The following LINC00305 variants were observed in gnomAD, a reference collection of about 807,000 sequenced individuals.
LINC00305 encodes the protein long independently transcribed non-coding RNA 305, also known as long intergenic non-protein coding RNA 305.
At chr18:64,108,330 T>C (rs545848115) in intron 1 of LINC00305, among the ~76,000 whole-genome samples, 1 of 152,080 alleles carries the variant, frequency 6.6e-6, no homozygotes, top group African/African-American at 2.4e-5. Flanking sequence ...AGGGGAATCA[T>C]AAAAGAAAGA....
chr18:64,140,541 T>C (rs1285955894), intron 1 of LINC00305, among the ~76,000 whole-genome samples: 7 of 152,116 alleles, frequency 4.6e-5, no homozygotes, highest in Non-Finnish European at 1.0e-4. Context: ...CCCTACATGG[T>C]AGAGACCGTC....
chr18:64,086,970 T>G (rs976834456), intron 3 of LINC00305, among the ~76,000 whole-genome samples: 2 of 152,136 alleles, frequency 1.3e-5, no homozygotes, highest in African/African-American at 4.8e-5. Flanking sequence ...AAACCTAATA[T>G]TGCTAGCAAG....
At chr18:64,126,699 GT>G (rs1384951264) in intron 1 of LINC00305, among the ~76,000 whole-genome samples, 1 of 152,092 alleles carries the variant, frequency 6.6e-6, no homozygotes, top group Non-Finnish European at 1.5e-5. Flanking sequence ...GAGTGATTGA[GT>G]GGTGATCAAA....
chr18:64,093,708 G>A (rs1204666787), intron 3 of LINC00305, among the ~76,000 whole-genome samples: 4 of 152,204 alleles, frequency 2.6e-5, no homozygotes, highest in Non-Finnish European at 5.9e-5. Context: ...TTTAATATAT[G>A]TGTCATCAAC....
intron 1 of LINC00305, among the ~76,000 whole-genome samples, chr18:64,128,982 CTTT>C (rs1470527188): frequency 6.6e-6 from 1 of 152,042 alleles, no homozygotes; most frequent in East Asian, 1.9e-4. Flanking sequence ...TGTAAAAATA[CTTT>C]TTTATTGGTT....
intron 1 of LINC00305, among the ~76,000 whole-genome samples, chr18:64,106,975 A>AG (rs11453143): frequency 0.075 from 11,351 of 152,250 alleles, 547 homozygotes; most frequent in Non-Finnish European, 0.11. Context: ...GTTTACAGAT[A>AG]TGACATTTTG....
At chr18:64,141,953 T>C (rs544648031) in intron 1 of LINC00305, among the ~76,000 whole-genome samples, 1 of 152,358 alleles carries the variant, frequency 6.6e-6, no homozygotes, top group African/African-American at 2.4e-5. Context: ...AACATGATCA[T>C]TTCACAGTTT....
At chr18:64,104,419 T>C (rs574701899) in intron 1 of LINC00305, among the ~76,000 whole-genome samples, 1 of 152,302 alleles carries the variant, frequency 6.6e-6, no homozygotes, top group South Asian at 2.1e-4. Flanking sequence ...GGAGTGTTCA[T>C]TTATGTGTCT....
At chr18:64,143,753 G>A (rs2051481881) in intron 1 of LINC00305, among the ~76,000 whole-genome samples, 1 of 70,234 alleles carries the variant, frequency 1.4e-5, no homozygotes. Context: ...ATGCGTACAT[G>A]TATGTACACA....
intron 1 of LINC00305, among the ~76,000 whole-genome samples, chr18:64,104,513 G>A (rs1015231363): frequency 3.9e-5 from 6 of 152,178 alleles, no homozygotes; most frequent in Non-Finnish European, 8.8e-5. Flanking sequence ...TTGCCTTCAC[G>A]TGCTGGCATG....
At chr18:64,085,043 C>A (rs577026122) in intron 3 of LINC00305, among the ~76,000 whole-genome samples, 1 of 152,138 alleles carries the variant, frequency 6.6e-6, no homozygotes, top group Non-Finnish European at 1.5e-5. Flanking sequence ...TAGTGCTCTA[C>A]GAAAAAATTG....
chr18:64,095,518 C>G (rs1326302592), intron 3 of LINC00305, among the ~76,000 whole-genome samples: 3 of 151,814 alleles, frequency 2.0e-5, no homozygotes, highest in Admixed American at 6.6e-5. Flanking sequence ...TAAGGTGAAA[C>G]AGGAGCTATC....
intron 3 of LINC00305, among the ~76,000 whole-genome samples, chr18:64,084,837 C>T (rs1414264957): frequency 6.6e-6 from 1 of 152,220 alleles, no homozygotes; most frequent in African/African-American, 2.4e-5. Flanking sequence ...AGCCAGCCTT[C>T]TCATGATGCT....
intron 1 of LINC00305, among the ~76,000 whole-genome samples, chr18:64,120,783 G>A (rs1188381593): frequency 6.6e-6 from 1 of 152,042 alleles, no homozygotes; most frequent in Non-Finnish European, 1.5e-5. Flanking sequence ...AATTTTAACT[G>A]GTTTTGCCAG....
At chr18:64,130,011 AG>A (rs1385336336) in intron 1 of LINC00305, among the ~76,000 whole-genome samples, 1 of 150,932 alleles carries the variant, frequency 6.6e-6, no homozygotes, top group African/African-American at 2.4e-5. Context: ...TTTAAGTTCT[AG>A]GGTACATGTG....
At chr18:64,110,139 G>C (rs1383566614) in intron 1 of LINC00305, among the ~76,000 whole-genome samples, 1 of 152,156 alleles carries the variant, frequency 6.6e-6, no homozygotes, top group Non-Finnish European at 1.5e-5. Context: ...TGAGATAGTA[G>C]AGTCAAAATT....
At chr18:64,120,743 T>C (rs1599221493) in intron 1 of LINC00305, among the ~76,000 whole-genome samples, 1 of 152,132 alleles carries the variant, frequency 6.6e-6, no homozygotes, top group East Asian at 1.9e-4. Flanking sequence ...CAGAATTGTT[T>C]GTAGTTTAGC....
intron 3 of LINC00305, among the ~76,000 whole-genome samples, chr18:64,081,459 T>C (rs2051184636): frequency 6.6e-6 from 1 of 152,174 alleles, no homozygotes; most frequent in Admixed American, 6.5e-5. Flanking sequence ...TATGAGCTCA[T>C]AAGATGTAGC....
chr18:64,092,290 T>C (rs2051227674), intron 3 of LINC00305, among the ~76,000 whole-genome samples: 1 of 152,220 alleles, frequency 6.6e-6, no homozygotes, highest in African/African-American at 2.4e-5. Flanking sequence ...AGGCCAGGCA[T>C]GGCGGCTCAC....
Sources: allele counts gnomAD v4.1 joint callset (sites outside exome capture counted in the v4.1 genomes callset), GRCh38; gene constraint gnomAD v4.1.1; transcripts MANE v1.5; gene names NCBI Gene and HGNC (gene_info 2026-07-23, HGNC 2026-07-21).